CHRM3: variants seen among roughly 807,000 people sequenced by gnomAD.
CHRM3 encodes the protein muscarinic acetylcholine receptor M3.
Under a neutral mutation model 41.8 loss-of-function variants are expected in CHRM3, and 11 were observed. That is an observed-to-expected ratio of 0.26 (90% CI 0.17 to 0.44). The LOEUF (loss-of-function observed/expected upper bound fraction) is 0.44, where lower values mean the gene tolerates loss of function less well. Among genes scored for constraint, CHRM3 ranks in the 20% least tolerant of loss-of-function variants. The probability of loss-of-function intolerance (pLI) is 1.00; values close to 1 mark genes in which losing one functional copy is unlikely to be tolerated. For missense variants in CHRM3, 571 were observed against 745.4 expected, an observed-to-expected ratio of 0.77 and a Z score of 2.72; for synonymous variants, 297 against 301.4, an observed-to-expected ratio of 0.99 and a Z score of 0.15.
chr1:239,643,424 G>C (rs1020635735), intron 4 of CHRM3, among the ~76,000 whole-genome samples: 3 of 152,210 alleles, frequency 2.0e-5, no homozygotes, highest in Non-Finnish European at 4.4e-5. Flanking sequence ...GCTCCACCCA[G>C]TTCGAGCTTC....
chr1:239,677,959 T>C (rs1338191712), intron 4 of CHRM3, among the ~76,000 whole-genome samples: 1 of 152,240 alleles, frequency 6.6e-6, no homozygotes, highest in African/African-American at 2.4e-5. Context: ...AGCATCTCAT[T>C]GTTTCCCCAG....
intron 5 of CHRM3, among the ~76,000 whole-genome samples, chr1:239,768,242 AAGC>A (rs1396371209): frequency 6.6e-6 from 1 of 152,150 alleles, no homozygotes; most frequent in Non-Finnish European, 1.5e-5. Flanking sequence ...CTTTCTCCTA[AAGC>A]ATATCTTAGG....
intron 4 of CHRM3, among the ~76,000 whole-genome samples, chr1:239,651,365 G>A (rs953592432): frequency 6.6e-6 from 1 of 152,164 alleles, no homozygotes; most frequent in Non-Finnish European, 1.5e-5. Context: ...TCTAAGACAC[G>A]TCTTTAAATA....
chr1:239,770,437 T>G (rs1338210521), intron 5 of CHRM3, among the ~76,000 whole-genome samples: 1 of 152,202 alleles, frequency 6.6e-6, no homozygotes, highest in East Asian at 1.9e-4. Flanking sequence ...TTGGTTTAAC[T>G]TGGGATTTGA....
intron 2 of CHRM3, among the ~76,000 whole-genome samples, chr1:239,544,950 C>T (rs534497918): frequency 1.1e-4 from 17 of 152,272 alleles, no homozygotes; most frequent in Middle Eastern, 6.8e-3. Context: ...GAGTCTTGGG[C>T]CATTTGCCTT....
chr1:239,425,953 T>A (rs781144487), intron 1 of CHRM3, among the ~76,000 whole-genome samples: 2 of 152,128 alleles, frequency 1.3e-5, no homozygotes, highest in Non-Finnish European at 2.9e-5. Context: ...GAGAGCCAGT[T>A]GTTCACATCT....
At chr1:239,395,256 C>A (rs1163217171) in intron 1 of CHRM3, among the ~76,000 whole-genome samples, 1 of 152,092 alleles carries the variant, frequency 6.6e-6, no homozygotes. Flanking sequence ...TTGTACCTGC[C>A]TCTGTCTTCA....
intron 2 of CHRM3, among the ~76,000 whole-genome samples, chr1:239,535,980 C>T (rs958267298): frequency 6.6e-6 from 1 of 152,106 alleles, no homozygotes; most frequent in Non-Finnish European, 1.5e-5. Context: ...ATTAGATGAA[C>T]AATGTGCATG....
chr1:239,717,969 CATG>C, intron 5 of CHRM3, among the ~76,000 whole-genome samples: 1 of 152,158 alleles, frequency 6.6e-6, no homozygotes, highest in South Asian at 2.1e-4. Flanking sequence ...TCATTGAAAA[CATG>C]ATTTTGTTTA....
At chr1:239,738,284 G>A (rs1467304365) in intron 5 of CHRM3, among the ~76,000 whole-genome samples, 1 of 152,152 alleles carries the variant, frequency 6.6e-6, no homozygotes, top group Non-Finnish European at 1.5e-5. Flanking sequence ...TTCCTTCTCT[G>A]AAGTCATCTA....
intron 1 of CHRM3, among the ~76,000 whole-genome samples, chr1:239,407,631 TG>T: frequency 6.6e-6 from 1 of 152,234 alleles, no homozygotes; most frequent in Admixed American, 6.5e-5. Context: ...TCACCATTAA[TG>T]CTGTCACTCA....
rs1221135009 is a variant in CHRM3 at position 239,668,089 on chromosome 1, C to CTTT, written c.-249-10072_-249-10070dup. ...TTTTCTTTTCTTTTTTTTCCCCTTTCTTTTTTTTTTTTTTTTTTTTTTTTT... is the reference window on the plus strand; with the variant it reads ...TTTTCTTTTCTTTTTTTTCCCCTTTCTTTTTTTTTTTTTTTTTTTTTTTTTTTT... On this transcript the variant is annotated intron_variant, in intron 4 of 6. Transcript: ENST00000676153. Among the ~76,000 whole-genome samples the CTTT allele has an allele frequency of 6.3e-4, 48 of 75,604 alleles. 1 individual carries two copies. Among genetic ancestry groups the CTTT allele is most frequent in the Non-Finnish European group, 7.9e-4 (30 of 37,846 alleles). The allele number at this position is 75,604 out of a possible 152,430, so 49.6% of individuals were successfully genotyped here. A position where few individuals can be genotyped will look rare whatever the true frequency, so the allele number is the denominator to read the frequency against.
At chr1:239,393,444 GT>G (rs1395879987) in intron 1 of CHRM3, among the ~76,000 whole-genome samples, 3 of 152,152 alleles carry the variant, frequency 2.0e-5, no homozygotes, top group Non-Finnish European at 4.4e-5. Flanking sequence ...CTCCTGCCGT[GT>G]TTCCTGTGCT....
intron 1 of CHRM3, among the ~76,000 whole-genome samples, chr1:239,450,998 C>T (rs1446512579): frequency 6.6e-6 from 1 of 152,100 alleles, no homozygotes; most frequent in African/African-American, 2.4e-5. Context: ...AAGGCTGACA[C>T]GAGCTATGAT....
chr1:239,886,120 G>A (rs1435053834), intron 6 of CHRM3: 1 of 152,188 alleles, frequency 6.6e-6, no homozygotes, highest in Non-Finnish European at 1.5e-5. Flanking sequence ...TGATATTTTT[G>A]AGAAAGTAGA....
intron 6 of CHRM3, among the ~76,000 whole-genome samples, chr1:239,867,208 A>T (rs1676186406): frequency 6.6e-6 from 1 of 152,212 alleles, no homozygotes; most frequent in Admixed American, 6.5e-5. Flanking sequence ...ATAGAATATA[A>T]ATTATTTTCC....
At chr1:239,888,249 TC>T (rs1678235584) in intron 6 of CHRM3, among the ~76,000 whole-genome samples, 3 of 150,532 alleles carry the variant, frequency 2.0e-5, no homozygotes, top group Non-Finnish European at 4.4e-5. Context: ...CACCTGTAGA[TC>T]CAGCTACCCG....
intron 6 of CHRM3, among the ~76,000 whole-genome samples, chr1:239,878,535 T>A (rs560376788): frequency 1.3e-5 from 2 of 152,016 alleles, no homozygotes; most frequent in Non-Finnish European, 2.9e-5. Context: ...GACTGGTACA[T>A]GTCTGTGGCC....
At position 239,708,736 on chromosome 1, in the gene CHRM3, C is replaced by CTTTTTTTTTTTTTTTTTTTTTTTTTTTTT. The variant is rs869143310; in HGVS notation, c.-147+30475_-147+30476insTTTTTTTTTTTTTTTTTTTTTTTTTTTTT. ...CTTTGTTTCTTCTGGTTTAAATTTTCTTTTTTTTTTTTTTTTTTTTTTTTT... is the reference window on the plus strand; with the variant it reads ...CTTTGTTTCTTCTGGTTTAAATTTTCTTTTTTTTTTTTTTTTTTTTTTTTTTTTTTTTTTTTTTTTTTTTTTTTTTTTTT... On this transcript the variant is annotated intron_variant, in intron 5 of 6. Transcript: ENST00000676153. 1.2e-4 allele frequency among the ~76,000 whole-genome samples: 6 copies of CTTTTTTTTTTTTTTTTTTTTTTTTTTTTT among 48,294 alleles called. 2 individuals are homozygous for CTTTTTTTTTTTTTTTTTTTTTTTTTTTTT. The highest frequency in any genetic ancestry group is 2.1e-4 in the Non-Finnish European group (6 of 28,516). The allele number at this position is 48,294 out of a possible 152,430, so 31.7% of individuals were successfully genotyped here.
Sources: allele counts gnomAD v4.1 joint callset (sites outside exome capture counted in the v4.1 genomes callset), GRCh38; gene constraint gnomAD v4.1.1; transcripts MANE v1.5; gene names NCBI Gene and HGNC (gene_info 2026-07-23, HGNC 2026-07-21).